Variants in CLSPN observed in about 807,000 individuals in gnomAD.
The protein encoded by CLSPN is claspin homolog.
A neutral mutation model predicts 156.3 loss-of-function variants in CLSPN; 85 were observed. The observed-to-expected ratio is 0.54, with a 90% CI of 0.46 to 0.65. The LOEUF is 0.65. CLSPN is among the 30% of genes least tolerant of loss of function. The pLI is 0.00. For synonymous variants in CLSPN, 534 were observed against 542.4 expected, an observed-to-expected ratio of 0.98 and a Z score of 0.22; for missense variants, 1,407 against 1,554.9, an observed-to-expected ratio of 0.90 and a Z score of 1.60.
Position 35,753,838 on chromosome 1 carries a change from T to C in CLSPN, c.1678A>G (p.Met560Val), listed in dbSNP as rs765080563. 17 of 1,614,196 alleles carry C rather than the reference T, an allele frequency of 1.1e-5. No homozygotes were observed. Among genetic ancestry groups the C allele is most frequent in the Middle Eastern group, 1.6e-4 (1 of 6,062 alleles). ...TVNVNVIVKDMGTDGKEELKA... is the reference protein window; with the variant it reads ...TVNVNVIVKDVGTDGKEELKA... ...AGCTCTTCCTTTCCATCAGTGCCCA[T>C]GTCTTTCACTATGACGTTCACATTC... Residue 560 changes from methionine (M) to valine (V), a missense_variant, in exon 9 of 25, where the codon ATG (methionine) becomes GTG (valine). Met to Val is a conservative substitution (Grantham distance 21, BLOSUM62 1). Around this residue, in one of 3 missense-constraint regions of CLSPN, gnomAD observed 1,096 missense variants for 1,193.0 expected, o/e 0.92. Transcript: ENST00000318121.
chr1:35,742,448 G>A (rs1430115379), intron 18 of CLSPN, among the ~76,000 whole-genome samples: 5 of 150,586 alleles, frequency 3.3e-5, no homozygotes, highest in African/African-American at 9.8e-5. Context: ...TGCAACCTCC[G>A]CCTCCCATAT....
chr1:35,748,654 G>T, intron 12 of CLSPN, 50 bp from the exon 13 acceptor site: 3 of 1,490,100 alleles, frequency 2.0e-6, no homozygotes, highest in Non-Finnish European at 2.8e-6. Flanking sequence ...AAATAAGGTG[G>T]ATTTGTTTAG....
In CLSPN at chr1:35,733,632, A is replaced by T; in HGVS notation, c.*2864T>A. On this transcript the variant is annotated 3_prime_UTR_variant, in exon 25 of 25. Transcript: ENST00000318121. ...AAAGAGGCAAAAACATGTATCTTGA[A>T]CCCATGGATAAAATGAAGTACATAC... 1.0e-6 allele frequency: 1 copy of T among 985,324 alleles called. No homozygotes were observed. 61.0% of individuals were successfully genotyped at this position (985,324 alleles called of 1,614,324 possible).
At chr1:35,728,439 C>A (rs975274852), downstream of CLSPN, among the ~76,000 whole-genome samples, 2 of 152,128 alleles carry the variant, frequency 1.3e-5, no homozygotes, top group Non-Finnish European at 2.9e-5. Flanking sequence ...CACCATTGCC[C>A]AAAAGAAAAC....
intron 20 of CLSPN, among the ~76,000 whole-genome samples, chr1:35,738,894 G>A (rs778596144): frequency 4.0e-5 from 6 of 150,408 alleles, no homozygotes; most frequent in Non-Finnish European, 7.4e-5. Flanking sequence ...TCCGTCTCCC[G>A]GGTTCACGCA....
intron 16 of CLSPN, 139 bp downstream of exon 16, chr1:35,745,312 A>C: frequency 1.6e-6 from 1 of 616,996 alleles, no homozygotes; most frequent in East Asian, 2.8e-5. Flanking sequence ...AAAGCATTAT[A>C]ATTTGCTTAC....
downstream of CLSPN, among the ~76,000 whole-genome samples, chr1:35,731,797 C>T (rs773257920): frequency 2.0e-5 from 3 of 152,086 alleles, no homozygotes; most frequent in Non-Finnish European, 2.9e-5. Context: ...TATGGAGGTA[C>T]CTTTTACTGA....
downstream of CLSPN, among the ~76,000 whole-genome samples, chr1:35,731,179 G>A (rs1641307390): frequency 2.0e-5 from 3 of 148,906 alleles, no homozygotes; most frequent in South Asian, 4.2e-4. Context: ...CAGCCTGGGC[G>A]ACAGGGCGAG....
chr1:35,733,488 A>C lies in CLSPN; in HGVS notation c.*3008T>G, dbSNP rs964429097. The stretch of plus-strand genomic sequence containing the variant: ...GTTGTCAATTCCAATTGTCTTTTCT[A>C]TCTCTCCTCAAAAGACATGTAGGGA... On this transcript the variant is annotated 3_prime_UTR_variant, in exon 25 of 25. Coordinates refer to ENST00000318121, the MANE Select transcript of CLSPN (RefSeq NM_022111.4). 5.1e-6 allele frequency: 5 copies of C among 984,822 alleles called. No homozygotes were observed. Among genetic ancestry groups the C allele is most frequent in the East Asian group, 1.1e-4 (1 of 8,814 alleles). The allele number at this position is 984,822 out of a possible 1,614,324, so 61.0% of individuals were successfully genotyped here. A position where few individuals can be genotyped will look rare whatever the true frequency, so the allele number is the denominator to read the frequency against.
chr1:35,758,203 G>A (rs113133308), intron 8 of CLSPN, among the ~76,000 whole-genome samples: 106 of 150,554 alleles, frequency 7.0e-4, no homozygotes, highest in African/African-American at 2.5e-3. Context: ...ACAGGGTCTC[G>A]TTCTGTCTCC....
At chr1:35,725,405 G>A (rs1641153462) in intron 24 of CLSPN, among the ~76,000 whole-genome samples, 1 of 152,184 alleles carries the variant, frequency 6.6e-6, no homozygotes, top group Admixed American at 6.5e-5. Context: ...GCCCACAACA[G>A]AGGGAGTAAG....
chr1:35,743,754 G>C (rs1245416248), intron 16 of CLSPN, among the ~76,000 whole-genome samples: 1 of 152,042 alleles, frequency 6.6e-6, no homozygotes, highest in African/African-American at 2.4e-5. Flanking sequence ...CTCCTGAGTA[G>C]CTGGGACTAG....
Position 35,735,756 on chromosome 1 carries a change from C to T in CLSPN, c.*740G>A, listed in dbSNP as rs922037348. ...TCACCGAGCCCTGGTCATCATGGTA[C>T]GTATCTCATGGGTGTAAAGGAGTCA... On this transcript the variant is annotated 3_prime_UTR_variant, in exon 25 of 25. Coordinates refer to ENST00000318121, the MANE Select transcript of CLSPN (RefSeq NM_022111.4). 6.1e-6 allele frequency: 6 copies of T among 984,500 alleles called. No homozygotes were observed. In the East Asian group the frequency reaches 5.7e-4, roughly 94 times the overall value. The allele number at this position is 984,500 out of a possible 1,614,324, so 61.0% of individuals were successfully genotyped here. A position where few individuals can be genotyped will look rare whatever the true frequency, so the allele number is the denominator to read the frequency against.
chr1:35,768,200 T>G (rs1642736146), intron 1 of CLSPN, among the ~76,000 whole-genome samples: 1 of 152,032 alleles, frequency 6.6e-6, no homozygotes, highest in Non-Finnish European at 1.5e-5. Flanking sequence ...AAACCCCGTA[T>G]CTACTAAAAA....
In CLSPN at chr1:35,764,828, G is replaced by A. The variant is rs1162831211; in HGVS notation, c.134-114C>T. On this transcript the variant is annotated intron_variant, in intron 2 of 24. Transcript: ENST00000318121. ...GATATATAACATTGTGAAATTACGT[G>A]ACTACTGTTAAGAACTGATTGTAGC... The A allele has an allele frequency of 4.5e-6, 3 of 661,114 alleles. No homozygotes were observed. The African/African-American group carries it at 5.6e-5, about 12-fold the overall frequency. The allele number at this position is 661,114 out of a possible 1,614,324, so 41.0% of individuals were successfully genotyped here.
intron 18 of CLSPN, among the ~76,000 whole-genome samples, chr1:35,742,419 T>C (rs1641726207): frequency 1.3e-5 from 2 of 152,132 alleles, no homozygotes; most frequent in African/African-American, 4.8e-5. Context: ...TGGAGTGCAG[T>C]GGGGCAATCT....
chr1:35,762,470 T>C lies in CLSPN; in HGVS notation c.756A>G (p.Pro252=), dbSNP rs774576396. The change falls in exon 5 of 25, where the codon CCA becomes CCG. Residue 252 remains proline (P), a synonymous_variant. Transcript: ENST00000318121. ...NKVKKHKKKE[P]SLESGVHSFE... ...ATGAATGGACCCCACTCTCCAAAGA[T>C]GGTTCTTTTTTCTAAAAGAAATGGC... The C allele has an allele frequency of 5.6e-6, 9 of 1,613,618 alleles. No homozygotes were observed. In the East Asian group the frequency reaches 1.3e-4, roughly 24 times the overall value.
chr1:35,731,718 T>C (rs147027963), downstream of CLSPN, among the ~76,000 whole-genome samples: 27 of 152,170 alleles, frequency 1.8e-4, no homozygotes, highest in East Asian at 3.7e-3. Flanking sequence ...AACTTGGAAA[T>C]TGTCTGATTA....
At position 35,768,307 on chromosome 1, in the gene CLSPN, G is replaced by T. The variant is rs1429959689; in HGVS notation, c.24+1540C>A. On this transcript the variant is annotated intron_variant, in intron 1 of 24. Transcript: ENST00000318121. ...CGCTTGAATCCAGGAGACAGAAGTTGCAGTGAGCCGAGATTGTGCCACTGC... is the reference window on the plus strand; with the variant it reads ...CGCTTGAATCCAGGAGACAGAAGTTTCAGTGAGCCGAGATTGTGCCACTGC... 3.9e-5 allele frequency among the ~76,000 whole-genome samples: 6 copies of T among 151,900 alleles called. 1 individual carries two copies. Among genetic ancestry groups the T allele is most frequent in the Non-Finnish European group, 5.9e-5 (4 of 68,008 alleles).
Sources: gnomAD v4.1 joint callset for allele counts (sites outside exome capture counted in the v4.1 genomes callset) on GRCh38, gnomAD v4.1.1 for gene constraint, gnomAD v4.1.1 regional missense constraint, MANE v1.5 for transcripts, NCBI Gene and HGNC (gene_info 2026-07-23, HGNC 2026-07-21) for gene names.